ZNF609: variants seen among roughly 807,000 people sequenced by gnomAD.
ZNF609 encodes the protein zinc finger protein 609.
ZNF609 carries 11 observed loss-of-function variants against 109.5 expected under a neutral mutation model. The ratio of observed to expected loss-of-function variants is 0.10; its 90% CI spans 0.06 to 0.17. The LOEUF is 0.17. Among genes scored for constraint, ZNF609 ranks in the 10% least tolerant of loss-of-function variants. The probability of loss-of-function intolerance (pLI) is 1.00; values close to 1 mark genes in which losing one functional copy is unlikely to be tolerated. For missense variants in ZNF609, 1,559 were observed against 1,772.4 expected (o/e 0.88, Z 2.16); for synonymous variants, 646 against 662.0 (o/e 0.98, Z 0.37).
intron 2 of ZNF609, among the ~76,000 whole-genome samples, chr15:64,565,978 A>G (rs904396435): frequency 1.3e-5 from 2 of 151,988 alleles, no homozygotes; most frequent in African/African-American, 4.8e-5. Flanking sequence ...CCTCTTGAGT[A>G]GCTGGAACTA....
At chr15:64,578,693 A>G (rs1895043752) in intron 2 of ZNF609, among the ~76,000 whole-genome samples, 1 of 152,132 alleles carries the variant, frequency 6.6e-6, no homozygotes, top group Non-Finnish European at 1.5e-5. Context: ...CTCTGTCTCA[A>G]AAAACAAACA....
At position 64,668,952 on chromosome 15, in the gene ZNF609, CAAAAAAAAA is replaced by C. The variant is rs538954402; in HGVS notation, c.974-1377_974-1369del. On this transcript the variant is annotated intron_variant, in intron 3 of 9. Coordinates refer to ENST00000326648, the MANE Select transcript of ZNF609 (RefSeq NM_015042.2). ...GGGCAACAAGAGCGAAACTCCGTCT[CAAAAAAAAA>C]AAAAAAAAAAAAAAAAGGAATTAAA... 6.6e-4 allele frequency among the ~76,000 whole-genome samples: 23 copies of C among 34,968 alleles called. No homozygotes were observed. In the South Asian group the frequency reaches 0.018, roughly 27 times the overall value. 22.9% of individuals were successfully genotyped at this position (34,968 alleles called of 152,430 possible).
At chr15:64,532,789 C>A (rs1245026313) in intron 2 of ZNF609, among the ~76,000 whole-genome samples, 1 of 152,166 alleles carries the variant, frequency 6.6e-6, no homozygotes, top group Non-Finnish European at 1.5e-5. Flanking sequence ...AAATAACAAG[C>A]CCCTTCCAAT....
chr15:64,642,035 C>T (rs1322618539), intron 3 of ZNF609, among the ~76,000 whole-genome samples: 1 of 152,024 alleles, frequency 6.6e-6, no homozygotes, highest in Non-Finnish European at 1.5e-5. Flanking sequence ...AGGATAAAAA[C>T]CTAGAGATGT....
chr15:64,473,191 CTTTTTTTTTTTTT>C (rs951319279), intron 1 of ZNF609, among the ~76,000 whole-genome samples: 1 of 76,076 alleles, frequency 1.3e-5, no homozygotes, highest in South Asian at 4.6e-4. Flanking sequence ...ATATTTGGTT[CTTTTTTTTTTTTT>C]TTTTTTTTTT....
At chr15:64,526,104 CTTTT>C (rs536172253) in intron 2 of ZNF609, among the ~76,000 whole-genome samples, 3 of 132,368 alleles carry the variant, frequency 2.3e-5, no homozygotes, top group African/African-American at 8.2e-5. Flanking sequence ...TTTTTCTTTT[CTTTT>C]TTTTTTTTTT....
In ZNF609 at chr15:64,665,079, T is replaced by G. The variant is rs559597881; in HGVS notation, c.974-5267T>G. ...GGGAGACATCCATTTGAAATCACTT[T>G]GCTAATAGCTAGAGAGAATTTAGCC... On this transcript the variant is annotated intron_variant, in intron 3 of 9. Coordinates refer to ENST00000326648, the MANE Select transcript of ZNF609 (RefSeq NM_015042.2). Among the ~76,000 whole-genome samples, 6 of 152,348 alleles carry G rather than the reference T, an allele frequency of 3.9e-5. No homozygotes were observed. In the East Asian group the frequency reaches 1.2e-3, roughly 29 times the overall value.
intron 3 of ZNF609, among the ~76,000 whole-genome samples, chr15:64,634,735 C>T (rs1024725472): frequency 1.3e-5 from 2 of 152,078 alleles, no homozygotes; most frequent in South Asian, 2.1e-4. Flanking sequence ...GCTTGAATCC[C>T]GAAGAAATAG....
intron 1 of ZNF609, among the ~76,000 whole-genome samples, chr15:64,493,023 C>T (rs1017635947): frequency 1.3e-5 from 2 of 152,122 alleles, no homozygotes; most frequent in African/African-American, 4.8e-5. Flanking sequence ...CAGGCCAAAG[C>T]CTATAAGAGG....
intron 2 of ZNF609, among the ~76,000 whole-genome samples, chr15:64,583,555 G>T (rs1895147238): frequency 6.6e-6 from 1 of 151,976 alleles, no homozygotes; most frequent in African/African-American, 2.4e-5. Flanking sequence ...TTCCCTTAGA[G>T]GAATCAACCC....
chr15:64,465,378 G>A (rs1191600790), intron 1 of ZNF609, among the ~76,000 whole-genome samples: 1 of 152,010 alleles, frequency 6.6e-6, no homozygotes, highest in East Asian at 1.9e-4. Context: ...TTATTTGTTT[G>A]TTTGTTTGTT....
rs549912283 is a variant in ZNF609, at chr15:64,607,630, G to A, written c.748-15197G>A. Among the ~76,000 whole-genome samples, 19 of 150,516 alleles carry A rather than the reference G, an allele frequency of 1.3e-4. No homozygotes were observed. The South Asian group carries it at 2.7e-3, about 22-fold the overall frequency. ...AGTGATTCTGTTGCTTCAGCCTCCC[G>A]AGTAGCTGGAATTACAGGCATCTGC... On this transcript the variant is annotated intron_variant, in intron 2 of 9. Coordinates refer to ENST00000326648, the MANE Select transcript of ZNF609 (RefSeq NM_015042.2).
chr15:64,594,525 A>C (rs1567023902), intron 2 of ZNF609, among the ~76,000 whole-genome samples: 1 of 151,350 alleles, frequency 6.6e-6, no homozygotes, highest in Non-Finnish European at 1.5e-5. Flanking sequence ...GTTGGTAAAG[A>C]CCGGGTTTCA....
chr15:64,563,811 A>G (rs749178297), intron 2 of ZNF609, among the ~76,000 whole-genome samples: 4 of 151,786 alleles, frequency 2.6e-5, no homozygotes, highest in Non-Finnish European at 2.9e-5. Context: ...AAACAAAAAA[A>G]CCCATATATA....
At chr15:64,461,117 G>A (rs1466338780) in intron 1 of ZNF609, among the ~76,000 whole-genome samples, 2 of 149,556 alleles carry the variant, frequency 1.3e-5, no homozygotes, top group African/African-American at 4.9e-5. Flanking sequence ...AGGGGATTAG[G>A]GTCTGGCTAG....
chr15:64,607,617 G>C (rs1388433330), intron 2 of ZNF609, among the ~76,000 whole-genome samples: 1 of 148,460 alleles, frequency 6.7e-6, no homozygotes, highest in Non-Finnish European at 1.5e-5. Flanking sequence ...TGATTCTGTT[G>C]CTTCAGCCTC....
rs1896695559 is a variant in ZNF609, at chr15:64,669,517, G to GTA, written c.974-828_974-827dup. ...GTGGAAGACTTTTGGATGTTTCCAAGTAGGGGAACTGGAAGACTGAAGAAC... is the reference window on the plus strand; with the variant it reads ...GTGGAAGACTTTTGGATGTTTCCAAGTATAGGGGAACTGGAAGACTGAAGAAC... On this transcript the variant is annotated intron_variant, in intron 3 of 9. Coordinates refer to ENST00000326648, the MANE Select transcript of ZNF609 (RefSeq NM_015042.2). Among the ~76,000 whole-genome samples, 3 of 152,194 alleles carry GTA rather than the reference G, an allele frequency of 2.0e-5. No homozygotes were observed. In the South Asian group the frequency reaches 6.2e-4, roughly 32 times the overall value.
chr15:64,588,844 G>A (rs545423648), intron 2 of ZNF609, among the ~76,000 whole-genome samples: 1 of 152,124 alleles, frequency 6.6e-6, no homozygotes, highest in Non-Finnish European at 1.5e-5. Context: ...CACCATATTG[G>A]TCAGGCTGGT....
chr15:64,466,803 C>T (rs1226887003), intron 1 of ZNF609, among the ~76,000 whole-genome samples: 1 of 152,106 alleles, frequency 6.6e-6, no homozygotes, highest in Middle Eastern at 3.4e-3. Context: ...TTTTACCTTT[C>T]CCCCACCCCC....
Sources: allele counts gnomAD v4.1 joint callset (sites outside exome capture counted in the v4.1 genomes callset), GRCh38; gene constraint gnomAD v4.1.1; transcripts MANE v1.5; gene names NCBI Gene and HGNC (gene_info 2026-07-23, HGNC 2026-07-21).